NFS1: variants seen among roughly 807,000 people sequenced by gnomAD.
NFS1 encodes the protein NFS1 cysteine desulfurase.
A neutral mutation model predicts 57.3 loss-of-function variants in NFS1; 26 were observed. The observed-to-expected ratio is 0.45, with a 90% CI of 0.33 to 0.63. NFS1 has a LOEUF of 0.63. NFS1 is among the 20% of genes least tolerant of loss of function. NFS1 has a pLI of 0.02. For missense variants in NFS1, 505 were observed against 605.8 expected, an observed-to-expected ratio of 0.83 and a Z score of 1.75; for synonymous variants, 209 against 216.3, an observed-to-expected ratio of 0.97 and a Z score of 0.30.
chr20:35,675,301 T>C, intron 7 of NFS1, 99 bp from the exon 8 acceptor site: 1 of 1,277,872 alleles, frequency 7.8e-7, no homozygotes, highest in South Asian at 1.6e-5. Context: ...TCAACTTTTC[T>C]GTAAGCATGA....
chr20:35,691,616 C>A (rs2035041320), intron 4 of NFS1, among the ~76,000 whole-genome samples: 1 of 151,090 alleles, frequency 6.6e-6, no homozygotes, highest in Non-Finnish European at 1.5e-5. Context: ...TGGCACGCAC[C>A]TGTAATCCCA....
chr20:35,697,547 A>C (rs1601539450), intron 3 of NFS1, 137 bp downstream of exon 3: 7 of 593,818 alleles, frequency 1.2e-5, no homozygotes, highest in Non-Finnish European at 1.8e-5. Context: ...TCAAACTCCA[A>C]GGCTGCTCTT....
intron 10 of NFS1, 27 bp from the exon 11 acceptor site, chr20:35,673,711 C>A (rs757112113): frequency 1.9e-6 from 3 of 1,574,164 alleles, no homozygotes; most frequent in East Asian, 2.2e-5. Flanking sequence ...GAACCTTGTT[C>A]AGTTCATCAT....
At position 35,698,974 on chromosome 20, in the gene NFS1, C is replaced by G. The variant is rs545969581; in HGVS notation, c.97+218G>C. 389 of 1,321,104 alleles carry G rather than the reference C, an allele frequency of 2.9e-4. 1 individual carries two copies. In the African/African-American group the frequency reaches 5.6e-3, roughly 19 times the overall value. 81.8% of individuals were successfully genotyped at this position (1,321,104 alleles called of 1,614,324 possible). A position where few individuals can be genotyped will look rare whatever the true frequency, so the allele number is the denominator to read the frequency against. On this transcript the variant is annotated intron_variant, in intron 1 of 12. Coordinates refer to ENST00000374092, the MANE Select transcript of NFS1 (RefSeq NM_021100.5). ...CAGGAGCGGTCTGAAGGACGCGCCT[C>G]CACGGCTCTGGGGGCCTGTCGCGCA... is the stretch of plus-strand genomic sequence containing the variant.
At chr20:35,682,096 G>C (rs2034857772) in intron 5 of NFS1, 115 bp from the exon 6 acceptor site, 2 of 526,412 alleles carry the variant, frequency 3.8e-6, no homozygotes, top group Non-Finnish European at 7.2e-6. Context: ...TATCTGAATA[G>C]TTAACTAAAA....
In NFS1 at chr20:35,699,047, A is replaced by G. The variant is rs1431422544; in HGVS notation, c.97+145T>C. ...GGGTCAACCGTTCGGGGACCCGCCT[A>G]AGAAAGTTTGAGGGATGTGTCATTT... On this transcript the variant is annotated intron_variant, in intron 1 of 12. Transcript: ENST00000374092. This position sits in a 1 kb window ranked among gnomAD's most constrained non-coding sequence, Gnocchi z 4.4. 3.8e-6 allele frequency: 5 copies of G among 1,319,430 alleles called. No homozygotes were observed. In the South Asian group the frequency reaches 8.5e-5, roughly 22 times the overall value. 81.7% of individuals were successfully genotyped at this position (1,319,430 alleles called of 1,614,324 possible).
intron 7 of NFS1, among the ~76,000 whole-genome samples, chr20:35,677,159 C>T (rs2034767221): frequency 6.6e-6 from 1 of 152,182 alleles, no homozygotes; most frequent in South Asian, 2.1e-4. Context: ...GCCACTGCAC[C>T]TGGCTGTCTG....
chr20:35,672,574 C>CT (rs1422571137), intron 12 of NFS1, among the ~76,000 whole-genome samples, 181 bp downstream of exon 12: 1 of 152,114 alleles, frequency 6.6e-6, no homozygotes, highest in Non-Finnish European at 1.5e-5. Context: ...TTTAAAAACA[C>CT]TTTCTCATTG....
chr20:35,673,494 G>C (rs2034690597), intron 11 of NFS1, 107 bp downstream of exon 11: 5 of 868,012 alleles, frequency 5.8e-6, no homozygotes, highest in Non-Finnish European at 9.3e-6. Flanking sequence ...GAGATAAGGA[G>C]AACTCGACTG....
chr20:35,691,342 T>C (rs960602953), intron 4 of NFS1, among the ~76,000 whole-genome samples: 3 of 151,670 alleles, frequency 2.0e-5, no homozygotes, highest in African/African-American at 7.3e-5. Context: ...AAGTCATGAG[T>C]AGGTATTACT....
chr20:35,673,759 C>A, intron 10 of NFS1, 75 bp from the exon 11 acceptor site: 1 of 1,235,208 alleles, frequency 8.1e-7, no homozygotes, highest in Non-Finnish European at 1.2e-6. Flanking sequence ...CAGTCTTGTT[C>A]CCATCCCCCA....
At chr20:35,685,558 T>TTATATATATA (rs35529809) in intron 5 of NFS1, among the ~76,000 whole-genome samples, 3 of 143,506 alleles carry the variant, frequency 2.1e-5, no homozygotes, top group Non-Finnish European at 4.5e-5. Context: ...ATAAAATATT[T>TTATATATATA]TATATATATA....
chr20:35,682,044 T>C (rs540729565), intron 5 of NFS1, 63 bp from the exon 6 acceptor site: 6 of 881,244 alleles, frequency 6.8e-6, no homozygotes, highest in African/African-American at 4.9e-5. Flanking sequence ...AATCAGAATA[T>C]AGGCAAACTT....
At chr20:35,694,528 A>G (rs750463497) in intron 4 of NFS1, 1 of 152,228 alleles carries the variant, frequency 6.6e-6, no homozygotes, top group Non-Finnish European at 1.5e-5. Flanking sequence ...ATAACTATGT[A>G]AAAATGGTCT....
intron 5 of NFS1, among the ~76,000 whole-genome samples, chr20:35,686,258 G>A (rs916583580): frequency 2.0e-5 from 3 of 146,630 alleles, no homozygotes; most frequent in Non-Finnish European, 4.5e-5. Flanking sequence ...GCTGAGGCAG[G>A]AAAATCGCTT....
At chr20:35,683,556 G>A (rs1254310814) in intron 5 of NFS1, among the ~76,000 whole-genome samples, 7 of 151,730 alleles carry the variant, frequency 4.6e-5, no homozygotes, top group Admixed American at 3.9e-4. Context: ...TGAGGCGGGC[G>A]TATCACAAAG....
chr20:35,678,453 G>A (rs967688005), intron 7 of NFS1, among the ~76,000 whole-genome samples: 30 of 151,046 alleles, frequency 2.0e-4, no homozygotes, highest in African/African-American at 7.3e-4. Context: ...GCTTGAACCC[G>A]GGAGGCGGAG....
At chr20:35,672,681 A>G in intron 12 of NFS1, 74 bp downstream of exon 12, 1 of 1,072,542 alleles carries the variant, frequency 9.3e-7, no homozygotes, top group South Asian at 1.3e-5. Flanking sequence ...GGCAGTGTAA[A>G]CACATAGCCT....
intron 3 of NFS1, among the ~76,000 whole-genome samples, chr20:35,697,252 G>A (rs923486166): frequency 2.6e-5 from 4 of 151,432 alleles, no homozygotes; most frequent in African/African-American, 7.3e-5. Context: ...AGCCAAGATC[G>A]TGCGCCACTG....
Sources: allele counts gnomAD v4.1 joint callset (sites outside exome capture counted in the v4.1 genomes callset), GRCh38; gene constraint gnomAD v4.1.1; non-coding constraint Gnocchi (gnomAD v3.1); transcripts MANE v1.5; gene names NCBI Gene and HGNC (gene_info 2026-07-23, HGNC 2026-07-21).